The following DLG2 variants were observed in gnomAD, a reference collection of about 807,000 sequenced individuals.
The protein encoded by DLG2 is discs large MAGUK scaffold protein 2.
Under a neutral mutation model 132.5 loss-of-function variants are expected in DLG2, and 45 were observed. That is an observed-to-expected ratio of 0.34 (90% confidence interval 0.27 to 0.44). The LOEUF (loss-of-function observed/expected upper bound fraction) is 0.44. Among genes scored for constraint, DLG2 ranks in the 20% least tolerant of loss-of-function variants. The probability of loss-of-function intolerance (pLI) is 1.00; values close to 1 mark genes in which losing one functional copy is unlikely to be tolerated. For synonymous variants in DLG2, 424 were observed against 419.6 expected (o/e 1.01, Z -0.13); for missense variants, 1,045 against 1,196.9 (o/e 0.87, Z 1.87).
intron 18 of DLG2, among the ~76,000 whole-genome samples, chr11:83,652,168 T>G (rs1254173015): frequency 6.6e-6 from 1 of 152,202 alleles, no homozygotes; most frequent in African/African-American, 2.4e-5. Context: ...GCAGCGCAAC[T>G]GGACCCCAGC....
At chr11:84,590,369 G>T (rs1338231483) in intron 6 of DLG2, among the ~76,000 whole-genome samples, 1 of 152,168 alleles carries the variant, frequency 6.6e-6, no homozygotes, top group Non-Finnish European at 1.5e-5. Context: ...TGTTGGCTAT[G>T]CTTGGCACGT....
At chr11:84,494,403 T>C (rs2099174561) in intron 7 of DLG2, among the ~76,000 whole-genome samples, 1 of 152,134 alleles carries the variant, frequency 6.6e-6, no homozygotes, top group South Asian at 2.1e-4. Context: ...AAGTAGAATG[T>C]TAAAATCTAA....
intron 18 of DLG2, among the ~76,000 whole-genome samples, chr11:83,780,715 G>A (rs1240512749): frequency 3.9e-5 from 6 of 152,130 alleles, no homozygotes; most frequent in South Asian, 2.1e-4. Flanking sequence ...TTAGATGGGC[G>A]GGGTAGACAA....
intron 8 of DLG2, among the ~76,000 whole-genome samples, chr11:84,226,610 G>A (rs1566988025): frequency 6.6e-6 from 1 of 152,152 alleles, no homozygotes; most frequent in African/African-American, 2.4e-5. Flanking sequence ...TATGTGCCCA[G>A]AAAGTAATTA....
chr11:85,062,297 AGATTT>A (rs1203776905), intron 6 of DLG2, among the ~76,000 whole-genome samples: 1 of 151,840 alleles, frequency 6.6e-6, no homozygotes, highest in East Asian at 1.9e-4. Context: ...GGGAAAGCTT[AGATTT>A]AATTTGTGTT....
chr11:84,190,156 T>C (rs890729238), intron 8 of DLG2, among the ~76,000 whole-genome samples: 1 of 150,236 alleles, frequency 6.7e-6, no homozygotes, highest in Non-Finnish European at 1.5e-5. Context: ...TAATGCTTAG[T>C]CTAGAAAGTT....
chr11:84,471,565 G>A (rs968961325), intron 7 of DLG2, among the ~76,000 whole-genome samples: 1 of 151,700 alleles, frequency 6.6e-6, no homozygotes, highest in African/African-American at 2.4e-5. Context: ...GAAAGGAAAA[G>A]GGGAAAAGGA....
chr11:83,935,329 G>A (rs1172518545), intron 14 of DLG2, among the ~76,000 whole-genome samples: 1 of 152,108 alleles, frequency 6.6e-6, no homozygotes, highest in Non-Finnish European at 1.5e-5. Flanking sequence ...TTCCAGTCCT[G>A]GGCTAATAGC....
At chr11:84,963,177 G>A (rs908589772) in intron 6 of DLG2, among the ~76,000 whole-genome samples, 6 of 152,132 alleles carry the variant, frequency 3.9e-5, no homozygotes, top group Non-Finnish European at 8.8e-5. Context: ...GAGCCTTTAG[G>A]TAAAGTGCTG....
At chr11:84,713,245 C>T (rs2060642385) in intron 6 of DLG2, among the ~76,000 whole-genome samples, 1 of 152,076 alleles carries the variant, frequency 6.6e-6, no homozygotes, top group Non-Finnish European at 1.5e-5. Context: ...AATTTTGGCT[C>T]TGCTATTTAA....
intron 7 of DLG2, among the ~76,000 whole-genome samples, chr11:84,263,660 A>T (rs934880474): frequency 7.9e-5 from 12 of 152,288 alleles, no homozygotes; most frequent in African/African-American, 2.4e-4. Flanking sequence ...CCAGAAAAAA[A>T]ATCCCTCTGC....
chr11:84,995,418 T>C (rs938029282), intron 6 of DLG2, among the ~76,000 whole-genome samples: 1 of 152,190 alleles, frequency 6.6e-6, no homozygotes, highest in African/African-American at 2.4e-5. Context: ...CAATTAACAG[T>C]GCTCATCATA....
Position 85,007,496 on chromosome 11 carries a change from T to TAA in DLG2, c.357+104163_357+104164dup, listed in dbSNP as rs547197336. On this transcript the variant is annotated intron_variant, in intron 6 of 27. Transcript: ENST00000376104. ...TAACACGGTGAAACCCCATCTCTACTAAAAAAAAACACAAAAAAAATTAGC... is the reference window on the plus strand; with the variant it reads ...TAACACGGTGAAACCCCATCTCTACTAAAAAAAAAAACACAAAAAAAATTAGC... 7.4e-4 allele frequency among the ~76,000 whole-genome samples: 109 copies of TAA among 147,770 alleles called. 1 individual carries two copies. The East Asian group carries it at 0.017, about 24-fold the overall frequency.
At chr11:83,918,840 CA>C (rs11317490) in intron 15 of DLG2, among the ~76,000 whole-genome samples, 127,039 of 150,880 alleles carry the variant, frequency 0.84, 53,792 homozygotes, top group African/African-American at 0.96. Flanking sequence ...AAATCTTGGT[CA>C]AAAAAAAAAA....
At chr11:85,488,890 C>A (rs2093493475) in intron 3 of DLG2, among the ~76,000 whole-genome samples, 1 of 152,054 alleles carries the variant, frequency 6.6e-6, no homozygotes, top group Non-Finnish European at 1.5e-5. Flanking sequence ...GAACAACATT[C>A]ACCATCAAGA....
intron 6 of DLG2, among the ~76,000 whole-genome samples, chr11:84,537,541 T>G (rs1002507880): frequency 2.0e-5 from 3 of 152,268 alleles, no homozygotes; most frequent in African/African-American, 7.2e-5. Context: ...TTTTAACCAT[T>G]TTTAAGTATA....
chr11:83,977,279 C>T (rs2092355811), intron 12 of DLG2, among the ~76,000 whole-genome samples: 1 of 151,914 alleles, frequency 6.6e-6, no homozygotes, highest in African/African-American at 2.4e-5. Context: ...AATGTAAACG[C>T]AACCATCACT....
Position 83,980,274 on chromosome 11 carries a change from C to G in DLG2, c.1056+232G>C, listed in dbSNP as rs1008474573. 2.6e-5 allele frequency among the ~76,000 whole-genome samples: 4 copies of G among 152,128 alleles called. No homozygotes were observed. The South Asian group carries it at 8.3e-4, about 31-fold the overall frequency. On this transcript the variant is annotated intron_variant, in intron 12 of 27. Coordinates refer to ENST00000376104, the MANE Select transcript of DLG2 (RefSeq NM_001142699.3). ...ACCCAGGAAAGGCCATGTGAGGACA[C>G]AGTGAGAAGGTGGCCACCTGCAAGT... is the stretch of plus-strand genomic sequence containing the variant.
intron 6 of DLG2, among the ~76,000 whole-genome samples, chr11:84,919,468 T>A (rs1271412093): frequency 6.6e-6 from 1 of 152,174 alleles, no homozygotes; most frequent in African/African-American, 2.4e-5. Flanking sequence ...AGCAGAATTC[T>A]TGAATTTATG....
Sources: allele counts gnomAD v4.1 joint callset (sites outside exome capture counted in the v4.1 genomes callset), GRCh38; gene constraint gnomAD v4.1.1; transcripts MANE v1.5; gene names NCBI Gene and HGNC (gene_info 2026-07-23, HGNC 2026-07-21).